ARB2A: variants seen among roughly 807,000 people sequenced by gnomAD.
ARB2A encodes the protein cotranscriptional regulator ARB2A.
the ARB2A span, among the ~76,000 whole-genome samples, chr5:94,026,451 G>A: frequency 1.3e-5 from 2 of 152,112 alleles, no homozygotes; most frequent in African/African-American, 2.4e-5. Flanking sequence ...AGTTCTCAGT[G>A]GAGAAAGGAC....
At chr5:94,029,607 T>C in the ARB2A span, among the ~76,000 whole-genome samples, 53 of 152,346 alleles carry the variant, frequency 3.5e-4, 1 homozygote, top group African/African-American at 1.2e-3. Context: ...AAACACACAA[T>C]GTCAGGCTGC....
the ARB2A span, among the ~76,000 whole-genome samples, chr5:94,081,697 G>A: frequency 6.6e-6 from 1 of 152,118 alleles, no homozygotes; most frequent in South Asian, 2.1e-4. Flanking sequence ...GTCGGGGGAA[G>A]AGAAAAATGG....
chr5:93,829,623 C>A, the ARB2A span, among the ~76,000 whole-genome samples: 1 of 152,126 alleles, frequency 6.6e-6, no homozygotes, highest in African/African-American at 2.4e-5. Flanking sequence ...AAAACCACAA[C>A]GTTTATCTTC....
chr5:94,078,643 A>C, the ARB2A span, among the ~76,000 whole-genome samples: 1 of 152,152 alleles, frequency 6.6e-6, no homozygotes, highest in Non-Finnish European at 1.5e-5. Context: ...CGTTTGGATC[A>C]AAGTTTTGGA....
chr5:93,881,317 T>A, the ARB2A span: 1 of 552,206 alleles, frequency 1.8e-6, no homozygotes, highest in African/African-American at 1.9e-5. Flanking sequence ...ATTCTGAATT[T>A]AAAAACCCAT....
the ARB2A span, among the ~76,000 whole-genome samples, chr5:93,894,446 C>T: frequency 6.6e-6 from 1 of 151,664 alleles, no homozygotes; most frequent in African/African-American, 2.4e-5. Flanking sequence ...CATTTCTGAG[C>T]TTCCAGTAAT....
At chr5:93,731,621 C>G in the ARB2A span, among the ~76,000 whole-genome samples, 1 of 152,152 alleles carries the variant, frequency 6.6e-6, no homozygotes, top group South Asian at 2.1e-4. Flanking sequence ...ATCAATAATA[C>G]TCAAACTTTT....
the ARB2A span, among the ~76,000 whole-genome samples, chr5:93,830,311 G>GTGTGTATGTGTGTGTA: frequency 1.2e-4 from 10 of 82,262 alleles, no homozygotes; most frequent in Admixed American, 5.1e-4. Context: ...GTGTGTGTGT[G>GTGTGTATGTGTGTGTA]TATATATATA....
chr5:93,692,976 C>G, the ARB2A span, among the ~76,000 whole-genome samples: 1 of 152,116 alleles, frequency 6.6e-6, no homozygotes, highest in African/African-American at 2.4e-5. Flanking sequence ...AAAATTAAGG[C>G]AGAAATAAAT....
the ARB2A span, among the ~76,000 whole-genome samples, chr5:93,840,134 A>G: frequency 6.6e-6 from 1 of 152,088 alleles, no homozygotes; most frequent in Non-Finnish European, 1.5e-5. Flanking sequence ...TGATGTGGGT[A>G]TTTAGTGCTA....
chr5:94,018,271 A>T, the ARB2A span, among the ~76,000 whole-genome samples: 6 of 152,312 alleles, frequency 3.9e-5, no homozygotes, highest in African/African-American at 1.4e-4. Context: ...AATCTAAAGA[A>T]GACCAATACT....
the ARB2A span, among the ~76,000 whole-genome samples, chr5:94,004,156 A>G: frequency 1.3e-5 from 2 of 152,226 alleles, no homozygotes; most frequent in South Asian, 4.1e-4. Context: ...AATGAACCTC[A>G]GCCTAAGTCT....
chr5:94,024,589 A>T, the ARB2A span, among the ~76,000 whole-genome samples: 1 of 152,168 alleles, frequency 6.6e-6, no homozygotes, highest in African/African-American at 2.4e-5. Flanking sequence ...CACACCTAGT[A>T]AAGGTAGAAC....
the ARB2A span, among the ~76,000 whole-genome samples, chr5:93,935,069 C>T: frequency 4.0e-5 from 6 of 151,858 alleles, no homozygotes; most frequent in Non-Finnish European, 8.8e-5. Flanking sequence ...ACTTTGGGGA[C>T]TTGGGGCTTG....
chr5:93,900,929 C>T, the ARB2A span, among the ~76,000 whole-genome samples: 8 of 152,042 alleles, frequency 5.3e-5, no homozygotes, highest in East Asian at 1.9e-4. Flanking sequence ...TCACATAAAC[C>T]GAAACCGACA....
chr5:94,080,230 T>C, the ARB2A span, among the ~76,000 whole-genome samples: 1 of 152,134 alleles, frequency 6.6e-6, no homozygotes, highest in Non-Finnish European at 1.5e-5. Flanking sequence ...GAGGCAATTA[T>C]GAGCATCATA....
At chr5:94,020,241 GC>G in the ARB2A span, among the ~76,000 whole-genome samples, 325 of 147,722 alleles carry the variant, frequency 2.2e-3, 3 homozygotes, top group African/African-American at 8.1e-3. Context: ...TGGACACGGG[GC>G]GGGGGGGGTA....
chr5:94,041,103 T>C, the ARB2A span, among the ~76,000 whole-genome samples: 1 of 151,888 alleles, frequency 6.6e-6, no homozygotes. Flanking sequence ...GGTCTCTCTC[T>C]CTCTCTCTCT....
the ARB2A span, among the ~76,000 whole-genome samples, chr5:93,846,869 T>C: frequency 6.6e-6 from 1 of 152,086 alleles, no homozygotes; most frequent in African/African-American, 2.4e-5. Context: ...ATGGAAGAAA[T>C]TTCTTGAAAT....
Sources: gnomAD v4.1 joint callset for allele counts (sites outside exome capture counted in the v4.1 genomes callset) on GRCh38, gnomAD v4.1.1 for gene constraint, MANE v1.5 for transcripts, NCBI Gene and HGNC (gene_info 2026-07-23, HGNC 2026-07-21) for gene names.